The following AGR3 variants were observed in gnomAD, a reference collection of about 807,000 sequenced individuals.
AGR3 encodes the protein anterior gradient 3, protein disulphide isomerase family member.
AGR3 carries 37 observed loss-of-function variants against 24.5 expected under a neutral mutation model. The ratio of observed to expected loss-of-function variants is 1.51; its 90% CI spans 1.16 to 1.99. The LOEUF (loss-of-function observed/expected upper bound fraction) is 1.99. AGR3 is among the 30% of genes most tolerant of loss of function. The pLI is 0.00. For synonymous variants in AGR3, 75 were observed against 61.6 expected (o/e 1.22, Z -1.02); for missense variants, 228 against 191.1 (o/e 1.19, Z -1.14).
At position 16,859,630 on chromosome 7, in the gene AGR3, C is replaced by T. The variant is rs1450535917; in HGVS notation, c.453G>A (p.Leu151=). ...YTYEPRDLPL[L]IENMKKALRL... ...TTAATGCTTTCTTCATGTTTTCTAT[C>T]ACTGAAATAAGAGTTAATATATATT... Residue 151 remains leucine, a splice_region_variant and synonymous_variant, in exon 8 of 8, where the codon TTG becomes TTA. Transcript: ENST00000310398. 6 of 1,506,752 alleles carry T rather than the reference C, an allele frequency of 4.0e-6. No homozygotes were observed. In the East Asian group the frequency reaches 6.9e-5, roughly 17 times the overall value. The allele number at this position is 1,506,752 out of a possible 1,614,324, so 93.3% of individuals were successfully genotyped here.
chr7:16,876,384 T>C (rs2115315999), intron 2 of AGR3, among the ~76,000 whole-genome samples: 1 of 152,278 alleles, frequency 6.6e-6, no homozygotes, highest in South Asian at 2.1e-4. Flanking sequence ...TCAGCAATTC[T>C]GATTCAAAGG....
chr7:16,861,486 A>T (rs753401802), intron 5 of AGR3, 39 bp from the exon 6 acceptor site: 2 of 1,541,436 alleles, frequency 1.3e-6, no homozygotes, highest in Non-Finnish European at 1.8e-6. Flanking sequence ...TATTGGATTC[A>T]TTTGTTTTTG....
downstream of AGR3, among the ~76,000 whole-genome samples, chr7:16,859,254 A>G (rs184443613): frequency 3.3e-3 from 502 of 152,146 alleles, no homozygotes; most frequent in African/African-American, 0.011. Context: ...TTAGAAAATT[A>G]AAAATAAAAT....
chr7:16,878,458 T>A, intron 2 of AGR3, 52 bp downstream of exon 2: 1 of 1,520,704 alleles, frequency 6.6e-7, no homozygotes, highest in Non-Finnish European at 9.1e-7. Flanking sequence ...CCAGATATTT[T>A]AAAAAGCAAT....
At chr7:16,878,130 G>A (rs1465631333) in intron 2 of AGR3, among the ~76,000 whole-genome samples, 1 of 137,548 alleles carries the variant, frequency 7.3e-6, no homozygotes, top group African/African-American at 2.7e-5. Context: ...TTTTTTTTTT[G>A]GAGGACTGGG....
chr7:16,865,310 C>T (rs542771911), intron 3 of AGR3: 5 of 1,132,724 alleles, frequency 4.4e-6, no homozygotes, highest in South Asian at 2.6e-5. Flanking sequence ...TTGCACTTCT[C>T]ATATCACCAG....
rs1782036179 is a variant in AGR3 at position 16,878,521 on chromosome 7, G to A, written c.98C>T (p.Thr33Ile). Residue 33 changes from threonine (T) to isoleucine (I), a missense_variant, in exon 2 of 8, where the codon ACA becomes ATA. Transcript: ENST00000310398. ...TGAGATTACAGCACCTCTTGAGAGTGTCTGAGGAGGCCTCTTTTCCTTTTT... is the reference window on the plus strand; with the variant it reads ...TGAGATTACAGCACCTCTTGAGAGTATCTGAGGAGGCCTCTTTTCCTTTTT... ...AIKKEKRPPQ[T>I]LSRGWGDDIT... The A allele has an allele frequency of 1.2e-6, 2 of 1,613,404 alleles. No homozygotes were observed. Among genetic ancestry groups the A allele is most frequent in the East Asian group, 4.5e-5 (2 of 44,884 alleles).
At chr7:16,873,045 T>G (rs542013005) in intron 3 of AGR3, among the ~76,000 whole-genome samples, 1 of 152,260 alleles carries the variant, frequency 6.6e-6, no homozygotes, top group East Asian at 1.9e-4. Flanking sequence ...ATATAGAGGA[T>G]TCTCAGAAAA....
intron 1 of AGR3, among the ~76,000 whole-genome samples, chr7:16,879,849 C>T (rs549814836): frequency 4.5e-4 from 68 of 152,270 alleles, no homozygotes; most frequent in African/African-American, 1.6e-3. Flanking sequence ...CAACCGCAGT[C>T]GTGGAGGAGA....
chr7:16,874,565 A>C (rs937231693), intron 2 of AGR3, among the ~76,000 whole-genome samples: 3 of 152,180 alleles, frequency 2.0e-5, no homozygotes, highest in African/African-American at 7.2e-5. Flanking sequence ...GAGTATTTTC[A>C]GGAAGTGTCT....
intron 2 of AGR3, 34 bp downstream of exon 2, chr7:16,878,476 A>G: frequency 1.3e-6 from 2 of 1,569,006 alleles, no homozygotes; most frequent in Non-Finnish European, 1.8e-6. Context: ...AATCCAAATG[A>G]CTGAGTTTAG....
At chr7:16,861,110 G>A (rs772453264) in intron 6 of AGR3, among the ~76,000 whole-genome samples, 13 of 152,152 alleles carry the variant, frequency 8.5e-5, no homozygotes, top group Non-Finnish European at 1.5e-4. Flanking sequence ...CTTTTAGTGT[G>A]TCATAGGTCT....
intron 3 of AGR3, among the ~76,000 whole-genome samples, chr7:16,867,101 CT>C (rs1371068588): frequency 1.3e-5 from 2 of 152,138 alleles, no homozygotes; most frequent in African/African-American, 4.8e-5. Flanking sequence ...TGGCTCTCCC[CT>C]ATTCCAAGCA....
At chr7:16,873,993 A>G (rs4389824) in intron 2 of AGR3, 150 bp from the exon 3 acceptor site, 628,515 of 648,868 alleles carry the variant, frequency 0.97, 305,570 homozygotes, top group Non-Finnish European at 1. Context: ...CACAATTTTC[A>G]CAAGATATGG....
chr7:16,856,933 A>G (rs1781562016), downstream of AGR3, among the ~76,000 whole-genome samples: 1 of 151,792 alleles, frequency 6.6e-6, no homozygotes, highest in South Asian at 2.1e-4. Context: ...AATTAATTTT[A>G]TGAGAAGATG....
At chr7:16,864,734 TGTGCGAGG>T (rs1781719915) in intron 3 of AGR3, 1 of 1,450,684 alleles carries the variant, frequency 6.9e-7, no homozygotes, top group South Asian at 1.1e-5. Context: ...CACTGCGGTG[TGTGCGAGG>T]GTCAAAAACT....
At chr7:16,860,083 C>T (rs983645847) in intron 7 of AGR3, among the ~76,000 whole-genome samples, 1 of 135,320 alleles carries the variant, frequency 7.4e-6, no homozygotes, top group Non-Finnish European at 1.6e-5. Flanking sequence ...TACCAAGACC[C>T]TGTCTCTACA....
intron 3 of AGR3, 83 bp from the exon 4 acceptor site, chr7:16,862,745 A>G: frequency 1.1e-6 from 1 of 878,570 alleles, no homozygotes; most frequent in South Asian, 1.7e-5. Flanking sequence ...AAATTTTATT[A>G]GCTTCAATAA....
In AGR3 at chr7:16,864,471, A is replaced by G. The variant is rs913659040; in HGVS notation, c.174-1809T>C. 7.1e-6 allele frequency: 9 copies of G among 1,269,724 alleles called. No homozygotes were observed. In the African/African-American group the frequency reaches 1.3e-4, roughly 19 times the overall value. The allele number at this position is 1,269,724 out of a possible 1,614,324, so 78.7% of individuals were successfully genotyped here. On this transcript the variant is annotated intron_variant, in intron 3 of 7. Coordinates refer to ENST00000310398, the MANE Select transcript of AGR3 (RefSeq NM_176813.5). ...CTCCGTTAAGCTGGGCTTCATCTCC[A>G]CTGTCAGGGTCGATCATTCCATGTT...
Sources: allele counts gnomAD v4.1 joint callset (sites outside exome capture counted in the v4.1 genomes callset), GRCh38; gene constraint gnomAD v4.1.1; transcripts MANE v1.5; gene names NCBI Gene and HGNC (gene_info 2026-07-23, HGNC 2026-07-21).